Variants in DLGAP2 observed in about 807,000 individuals in gnomAD.
The protein encoded by DLGAP2 is DLG associated protein 2.
In DLGAP2, 26 loss-of-function variants were observed where a neutral mutation model predicts 100.3. The ratio of observed to expected loss-of-function variants is 0.26; its 90% confidence interval spans 0.19 to 0.36. The LOEUF (loss-of-function observed/expected upper bound fraction) is 0.36. Among genes scored for constraint, DLGAP2 ranks in the 10% least tolerant of loss-of-function variants. The probability of loss-of-function intolerance (pLI) is 1.00; values close to 1 mark genes in which losing one functional copy is unlikely to be tolerated. For synonymous variants in DLGAP2, 886 were observed against 630.1 expected (o/e 1.41, Z -6.08); for missense variants, 1,858 against 1,453.2 (o/e 1.28, Z -4.53).
chr8:1,166,986 C>T (rs375973011), intron 2 of DLGAP2, among the ~76,000 whole-genome samples: 60 of 152,168 alleles, frequency 3.9e-4, no homozygotes, highest in Middle Eastern at 3.4e-3. Context: ...TTTACAAAAA[C>T]TTATCTGGGT....
intron 4 of DLGAP2, among the ~76,000 whole-genome samples, chr8:1,545,924 A>G (rs1433490414): frequency 6.6e-6 from 1 of 152,206 alleles, no homozygotes; most frequent in African/African-American, 2.4e-5. Context: ...TTTAATATGA[A>G]GGAAGATTAA....
chr8:1,562,729 A>G (rs868397011), intron 5 of DLGAP2, among the ~76,000 whole-genome samples: 20 of 11,016 alleles, frequency 1.8e-3, no homozygotes, highest in East Asian at 2.8e-3. Flanking sequence ...GCGCCTCGTT[A>G]CTGGGGGACT....
intron 2 of DLGAP2, among the ~76,000 whole-genome samples, chr8:1,186,706 TA>T (rs1282489629): frequency 3.9e-5 from 6 of 152,162 alleles, no homozygotes; most frequent in Admixed American, 3.9e-4. Flanking sequence ...TCTGAGCTGA[TA>T]TTCTGTTGTG....
chr8:818,323 C>T (rs549317520), intron 1 of DLGAP2, among the ~76,000 whole-genome samples: 12 of 152,144 alleles, frequency 7.9e-5, no homozygotes, highest in Non-Finnish European at 1.5e-4. Context: ...CCACGCAGCC[C>T]GCTGTCCTAA....
intron 3 of DLGAP2, among the ~76,000 whole-genome samples, chr8:1,334,553 A>T (rs553286084): frequency 6.6e-6 from 1 of 152,240 alleles, no homozygotes; most frequent in Non-Finnish European, 1.5e-5. Context: ...AGTCACGCAG[A>T]TGTGAGTGTG....
intron 6 of DLGAP2, among the ~76,000 whole-genome samples, chr8:1,568,238 CA>C (rs1802489740): frequency 7.5e-6 from 1 of 133,276 alleles, no homozygotes; most frequent in Non-Finnish European, 1.6e-5. Context: ...GACACAAATC[CA>C]CTCTGCCCAT....
intron 2 of DLGAP2, among the ~76,000 whole-genome samples, chr8:1,202,910 A>G (rs1204283082): frequency 1.3e-5 from 2 of 152,156 alleles, no homozygotes; most frequent in African/African-American, 4.8e-5. Flanking sequence ...TTCAAGGCGC[A>G]CGCATTTTTC....
intron 1 of DLGAP2, among the ~76,000 whole-genome samples, chr8:748,494 C>G (rs541806342): frequency 6.6e-6 from 1 of 152,162 alleles, no homozygotes; most frequent in Non-Finnish European, 1.5e-5. Flanking sequence ...ACACTGTGAC[C>G]CGAGGAGGAA....
Position 1,351,803 on chromosome 8 carries a change from T to C in DLGAP2, c.106+92920T>C, listed in dbSNP as rs1801734103. Among the ~76,000 whole-genome samples the C allele has an allele frequency of 2.8e-5, 2 of 71,778 alleles. 1 individual carries two copies. Among genetic ancestry groups the C allele is most frequent in the Non-Finnish European group, 5.6e-5 (2 of 35,658 alleles). The allele number at this position is 71,778 out of a possible 152,430, so 47.1% of individuals were successfully genotyped here. A position where few individuals can be genotyped will look rare whatever the true frequency, so the allele number is the denominator to read the frequency against. On this transcript the variant is annotated intron_variant, in intron 3 of 14. Transcript: ENST00000637795. Reference sequence around the variant, plus strand: ...GTCCTGACTGTGTGTGGAAAGGACGTGCGCGTCCTGCGTGTGGCGTGGAAA... The same window carrying C: ...GTCCTGACTGTGTGTGGAAAGGACGCGCGCGTCCTGCGTGTGGCGTGGAAA...
At chr8:1,229,835 A>G (rs1354178009) in intron 2 of DLGAP2, among the ~76,000 whole-genome samples, 1 of 152,096 alleles carries the variant, frequency 6.6e-6, no homozygotes, top group Non-Finnish European at 1.5e-5. Flanking sequence ...CATGATAAAA[A>G]CCCTCCAGAA....
At chr8:951,897 A>T (rs566487472) in intron 2 of DLGAP2, among the ~76,000 whole-genome samples, 1 of 152,218 alleles carries the variant, frequency 6.6e-6, no homozygotes, top group African/African-American at 2.4e-5. Context: ...TGGTAGACTC[A>T]TTGGAACCAC....
chr8:1,249,245 C>T (rs1363359272), intron 2 of DLGAP2, among the ~76,000 whole-genome samples: 1 of 152,062 alleles, frequency 6.6e-6, no homozygotes, highest in Non-Finnish European at 1.5e-5. Context: ...ATTTCAGAAG[C>T]AGAATGGCAG....
intron 2 of DLGAP2, among the ~76,000 whole-genome samples, chr8:1,179,525 C>G (rs958270755): frequency 6.6e-6 from 1 of 152,270 alleles, no homozygotes; most frequent in Admixed American, 6.5e-5. Context: ...TGGGATGAGG[C>G]TTCCACCTCT....
intron 1 of DLGAP2, among the ~76,000 whole-genome samples, chr8:752,507 C>G (rs10112777): frequency 0.26 from 38,974 of 151,938 alleles, 6,246 homozygotes; most frequent in Non-Finnish European, 0.36. Flanking sequence ...CCGGTCAGCA[C>G]CAGCCGCCTG....
intron 2 of DLGAP2, among the ~76,000 whole-genome samples, chr8:1,031,393 T>A (rs1034697100): frequency 3.3e-5 from 5 of 152,118 alleles, no homozygotes; most frequent in Non-Finnish European, 2.9e-5. Flanking sequence ...CACTTTATTT[T>A]TTTTTTTAAT....
At chr8:1,384,235 T>C (rs1796161341) in intron 3 of DLGAP2, among the ~76,000 whole-genome samples, 1 of 152,276 alleles carries the variant, frequency 6.6e-6, no homozygotes, top group Non-Finnish European at 1.5e-5. Flanking sequence ...ATTTAATTTC[T>C]TTCCTGGAAA....
At chr8:1,051,435 C>A (rs944734028) in intron 2 of DLGAP2, among the ~76,000 whole-genome samples, 1 of 152,098 alleles carries the variant, frequency 6.6e-6, no homozygotes, top group Non-Finnish European at 1.5e-5. Flanking sequence ...TGATCCAATA[C>A]CGTCAGCACG....
In DLGAP2 at chr8:1,314,448, C is replaced by T. The variant is rs1453991956; in HGVS notation, c.106+55565C>T. Among the ~76,000 whole-genome samples the T allele has an allele frequency of 3.3e-5, 5 of 152,210 alleles. No individual in the cohort carries two copies. The South Asian group carries it at 8.3e-4, about 25-fold the overall frequency. ...AAAACTCCATTAAATTAATTACACT[C>T]TAGAGCTGTCTGTGCTGTAACAAAA... is the stretch of plus-strand genomic sequence containing the variant. On this transcript the variant is annotated intron_variant, in intron 3 of 14. Transcript: ENST00000637795.
chr8:1,309,834 C>G (rs1038140779), intron 3 of DLGAP2, among the ~76,000 whole-genome samples: 2 of 152,248 alleles, frequency 1.3e-5, no homozygotes, highest in African/African-American at 4.8e-5. Context: ...GTGGCTGACG[C>G]CTGTAATCCC....
Sources: allele counts gnomAD v4.1 joint callset (sites outside exome capture counted in the v4.1 genomes callset), GRCh38; gene constraint gnomAD v4.1.1; transcripts MANE v1.5; gene names NCBI Gene and HGNC (gene_info 2026-07-23, HGNC 2026-07-21).